The following RARB variants were observed in gnomAD, a reference collection of about 807,000 sequenced individuals.
The protein encoded by RARB is retinoic acid receptor beta.
Under a neutral mutation model 51.9 loss-of-function variants are expected in RARB, and 17 were observed. That is an observed-to-expected ratio of 0.33 (90% CI 0.22 to 0.49). RARB has a LOEUF of 0.49. Ranked by LOEUF, RARB falls within the 20% of genes least tolerant of loss-of-function variation. RARB has a pLI of 0.99. For missense variants in RARB, 369 were observed against 550.8 expected, an observed-to-expected ratio of 0.67 and a Z score of 3.30; for synonymous variants, 215 against 195.4, an observed-to-expected ratio of 1.10 and a Z score of -0.84.
chr3:25,082,576 T>A (rs1699028581), intron 3 of RARB, among the ~76,000 whole-genome samples: 1 of 152,140 alleles, frequency 6.6e-6, no homozygotes, highest in African/African-American at 2.4e-5. Context: ...TCCTGTCTTT[T>A]GTGTTATTTC....
intron 2 of RARB, among the ~76,000 whole-genome samples, chr3:24,913,934 C>G (rs981087639): frequency 2.6e-5 from 4 of 152,294 alleles, no homozygotes; most frequent in African/African-American, 7.2e-5. Context: ...AATTTAAGCT[C>G]TAGTCTATCT....
In RARB at chr3:24,863,313, C is replaced by A. The variant is rs182371640; in HGVS notation, c.-380+4561C>A. On this transcript the variant is annotated intron_variant, in intron 2 of 11. Coordinates refer to the RARB transcript ENST00000383772. ...CAGCCACAGATGCTTTGTTTATAAC[C>A]AGAGGAATTCATGTGAGCTTGGTGA... 2.0e-5 allele frequency among the ~76,000 whole-genome samples: 3 copies of A among 152,266 alleles called. No homozygotes were observed. The East Asian group carries it at 5.8e-4, about 29-fold the overall frequency.
intron 5 of RARB, among the ~76,000 whole-genome samples, chr3:25,175,947 A>C (rs1700735712): frequency 6.6e-6 from 1 of 152,226 alleles, no homozygotes; most frequent in Non-Finnish European, 1.5e-5. Context: ...TGCTGTTTCA[A>C]ATCATGTTCA....
chr3:24,899,716 T>A (rs575180336), intron 2 of RARB, among the ~76,000 whole-genome samples: 1 of 152,276 alleles, frequency 6.6e-6, no homozygotes, highest in African/African-American at 2.4e-5. Context: ...ATTAAAGTCA[T>A]TTATCCCAGA....
At chr3:25,570,441 A>G (rs1007901906) in intron 4 of RARB, among the ~76,000 whole-genome samples, 1 of 152,204 alleles carries the variant, frequency 6.6e-6, no homozygotes, top group South Asian at 2.1e-4. Flanking sequence ...GAGGACATGT[A>G]CAAAACCCCC....
chr3:25,234,294 A>G (rs891643238), intron 5 of RARB, among the ~76,000 whole-genome samples: 5 of 152,124 alleles, frequency 3.3e-5, no homozygotes, highest in African/African-American at 1.2e-4. Context: ...GTTAGTCTGT[A>G]TCTTTAAAGG....
At chr3:24,839,720 G>A (rs200548033) in intron 1 of RARB, among the ~76,000 whole-genome samples, 881 of 5,776 alleles carry the variant, frequency 0.15, 1 homozygote, top group Admixed American at 0.2. Context: ...AAAAAAAAAA[G>A]GGGGGGGGGG....
At chr3:25,256,194 C>A (rs1702860962) in intron 5 of RARB, among the ~76,000 whole-genome samples, 1 of 152,108 alleles carries the variant, frequency 6.6e-6, no homozygotes, top group Non-Finnish European at 1.5e-5. Flanking sequence ...CTCGTCATTG[C>A]ACTGTTATAG....
At chr3:25,488,471 G>A (rs1005306103) in intron 2 of RARB, among the ~76,000 whole-genome samples, 1 of 152,148 alleles carries the variant, frequency 6.6e-6, no homozygotes, top group Non-Finnish European at 1.5e-5. Flanking sequence ...AATGAGAAGG[G>A]TAAATGACGT....
At chr3:25,372,079 G>T (rs999331268) in intron 5 of RARB, among the ~76,000 whole-genome samples, 3 of 152,190 alleles carry the variant, frequency 2.0e-5, no homozygotes, top group Admixed American at 6.5e-5. Context: ...AGAAGCATGT[G>T]GGACCACATC....
intron 2 of RARB, among the ~76,000 whole-genome samples, chr3:24,875,247 G>C (rs74757347): frequency 0.02 from 3,056 of 152,168 alleles, 99 homozygotes; most frequent in African/African-American, 0.07. Context: ...GGTTGCCGAA[G>C]TTGATACTAT....
intron 2 of RARB, among the ~76,000 whole-genome samples, chr3:25,017,795 C>T (rs1697548245): frequency 6.6e-6 from 1 of 152,150 alleles, no homozygotes. Flanking sequence ...ATGCTATGGT[C>T]TGAATGTTTG....
intron 2 of RARB, among the ~76,000 whole-genome samples, chr3:24,997,173 T>C (rs1299674744): frequency 6.6e-6 from 1 of 152,196 alleles, no homozygotes; most frequent in Non-Finnish European, 1.5e-5. Flanking sequence ...ATAATTGTTA[T>C]GTTCTCATGC....
At chr3:24,998,941 G>A (rs1697100925) in intron 2 of RARB, among the ~76,000 whole-genome samples, 1 of 152,038 alleles carries the variant, frequency 6.6e-6, no homozygotes, top group East Asian at 1.9e-4. Flanking sequence ...TCTTGCAGAA[G>A]TCACCTGCAA....
intron 5 of RARB, among the ~76,000 whole-genome samples, chr3:25,421,547 G>T (rs890439446): frequency 2.6e-5 from 4 of 151,588 alleles, no homozygotes; most frequent in African/African-American, 9.7e-5. Flanking sequence ...GCGTAGCTGG[G>T]ATTACAGGTG....
chr3:24,873,994 T>C (rs190487724), intron 2 of RARB, among the ~76,000 whole-genome samples: 209 of 152,156 alleles, frequency 1.4e-3, no homozygotes, highest in African/African-American at 4.8e-3. Context: ...GATAAAAATA[T>C]AGTATAACAA....
intron 5 of RARB, among the ~76,000 whole-genome samples, chr3:25,367,902 A>G (rs1351784): frequency 0.83 from 125,361 of 151,500 alleles, 52,121 homozygotes; most frequent in East Asian, 0.99. Context: ...GGAGTATCGA[A>G]GTAGACAGGC....
At chr3:25,170,661 A>G (rs1416327690) in intron 4 of RARB, among the ~76,000 whole-genome samples, 3 of 152,246 alleles carry the variant, frequency 2.0e-5, no homozygotes, top group Admixed American at 6.5e-5. Context: ...TAATACAAAA[A>G]TGACCTCTCG....
chr3:24,945,850 C>G (rs898987762), intron 2 of RARB, among the ~76,000 whole-genome samples: 2 of 152,228 alleles, frequency 1.3e-5, no homozygotes, highest in Non-Finnish European at 1.5e-5. Flanking sequence ...AACAACAAGG[C>G]CAATGCATCA....
Sources: gnomAD v4.1 joint callset for allele counts (sites outside exome capture counted in the v4.1 genomes callset) on GRCh38, gnomAD v4.1.1 for gene constraint, MANE v1.5 for transcripts, NCBI Gene and HGNC (gene_info 2026-07-23, HGNC 2026-07-21) for gene names.